Variants in RXRA observed in about 807,000 individuals in gnomAD.
RXRA encodes the protein retinoid X receptor alpha.
In RXRA, 5 loss-of-function variants were observed where a neutral mutation model predicts 44.5. The observed-to-expected ratio is 0.11, with a 90% CI of 0.06 to 0.24. The LOEUF (loss-of-function observed/expected upper bound fraction) is 0.24, where lower values mean the gene tolerates loss of function less well. Among genes scored for constraint, RXRA ranks in the 10% least tolerant of loss-of-function variants. The probability of loss-of-function intolerance (pLI) is 1.00; values close to 1 mark genes in which losing one functional copy is unlikely to be tolerated. For synonymous variants in RXRA, 291 were observed against 271.4 expected (o/e 1.07, Z -0.71); for missense variants, 412 against 646.5 (o/e 0.64, Z 3.93).
intron 4 of RXRA, among the ~76,000 whole-genome samples, chr9:134,415,317 G>T (rs1229467635): frequency 6.6e-6 from 1 of 152,140 alleles, no homozygotes; most frequent in Non-Finnish European, 1.5e-5. Context: ...TGTGAAGGGA[G>T]GGGCTTGCAG....
intron 1 of RXRA, among the ~76,000 whole-genome samples, chr9:134,383,853 G>A (rs533414723): frequency 9.7e-4 from 147 of 152,182 alleles, no homozygotes; most frequent in Admixed American, 2.3e-3. Context: ...CCCTGAACCC[G>A]ATGTGCAGGG....
intron 1 of RXRA, among the ~76,000 whole-genome samples, chr9:134,340,395 T>C (rs568105917): frequency 6.6e-5 from 10 of 152,308 alleles, no homozygotes; most frequent in Admixed American, 1.3e-4. Context: ...CACTGACCTT[T>C]CAGCCAGTTC....
chr9:134,429,629 G>A (rs948958111), intron 7 of RXRA, among the ~76,000 whole-genome samples: 3 of 152,222 alleles, frequency 2.0e-5, no homozygotes, highest in African/African-American at 7.2e-5. Context: ...GTGGCAGCCC[G>A]GGGCGTGGTG....
At chr9:134,327,634 A>G (rs1265309597) in intron 1 of RXRA, among the ~76,000 whole-genome samples, 1 of 152,158 alleles carries the variant, frequency 6.6e-6, no homozygotes, top group Non-Finnish European at 1.5e-5. Flanking sequence ...CGCCATCCGT[A>G]GCCCCTCCTG....
intron 1 of RXRA, 55 bp from the exon 2 acceptor site, chr9:134,401,577 G>A: frequency 6.2e-7 from 1 of 1,604,808 alleles, no homozygotes; most frequent in Non-Finnish European, 8.5e-7. Flanking sequence ...CAGGCATTTG[G>A]TGGGGCCTGG....
At chr9:134,361,221 C>G (rs1276973919) in intron 1 of RXRA, among the ~76,000 whole-genome samples, 1 of 152,188 alleles carries the variant, frequency 6.6e-6, no homozygotes, top group Non-Finnish European at 1.5e-5. Context: ...CACTGGGTCT[C>G]GGAGCTGGGA....
rs910372568 is a variant in RXRA, at chr9:134,342,932, C to T, written c.28+16273C>T. Among the ~76,000 whole-genome samples, 20 of 152,160 alleles carry T rather than the reference C, an allele frequency of 1.3e-4. No individual in the cohort carries two copies. Among genetic ancestry groups the T allele is most frequent in the Non-Finnish European group, 2.9e-4 (20 of 68,018 alleles). On this transcript the variant is annotated intron_variant, in intron 1 of 9. Transcript: ENST00000481739. This position sits in a 1 kb window ranked among gnomAD's most constrained non-coding sequence, Gnocchi z 4.4. ...CTGCGGATGCAGGCACGTGTGGGTG[C>T]TGGGGATTGTCTGGTAATCCTTTGA...
chr9:134,392,187 A>G (rs1224615997), intron 1 of RXRA, among the ~76,000 whole-genome samples: 2 of 152,172 alleles, frequency 1.3e-5, no homozygotes, highest in Non-Finnish European at 2.9e-5. Flanking sequence ...TGGTGGCCCC[A>G]CGCCTTTGGT....
intron 1 of RXRA, among the ~76,000 whole-genome samples, chr9:134,328,292 C>T (rs1302587751): frequency 2.0e-5 from 3 of 152,164 alleles, no homozygotes; most frequent in Non-Finnish European, 2.9e-5. Context: ...TACTGAGAAC[C>T]GAACAGGTCC....
chr9:134,379,737 A>C, intron 1 of RXRA: 2 of 985,406 alleles, frequency 2.0e-6, no homozygotes, highest in Non-Finnish European at 2.4e-6. Context: ...TCGTGGGTCC[A>C]GCTCAGCCCC....
intron 1 of RXRA, among the ~76,000 whole-genome samples, chr9:134,362,152 A>G (rs1025478824): frequency 2.6e-5 from 4 of 151,832 alleles, no homozygotes; most frequent in African/African-American, 9.7e-5. Flanking sequence ...TTGGGAGGGG[A>G]TGGGCTCAGA....
intron 5 of RXRA, 101 bp from the exon 6 acceptor site, chr9:134,421,575 C>T (rs1258445550): frequency 7.4e-7 from 1 of 1,359,478 alleles, no homozygotes; most frequent in Non-Finnish European, 1.0e-6. Flanking sequence ...TATTCAGCGT[C>T]CTGCATGGGC....
chr9:134,432,829 T>C (rs1831554266), intron 8 of RXRA, among the ~76,000 whole-genome samples: 1 of 152,084 alleles, frequency 6.6e-6, no homozygotes, highest in Non-Finnish European at 1.5e-5. Flanking sequence ...TGGGGTGGGC[T>C]GGTGGAGGCA....
At chr9:134,359,025 G>A (rs1295797381) in intron 1 of RXRA, among the ~76,000 whole-genome samples, 1 of 152,192 alleles carries the variant, frequency 6.6e-6, no homozygotes, top group African/African-American at 2.4e-5. Flanking sequence ...GAGCATTCAT[G>A]GAACAGCTGC....
intron 1 of RXRA, among the ~76,000 whole-genome samples, chr9:134,389,403 G>A (rs1830767981): frequency 6.6e-6 from 1 of 152,116 alleles, no homozygotes. Flanking sequence ...GGGGTTAGGG[G>A]GCCAGGGCTT....
intron 1 of RXRA, among the ~76,000 whole-genome samples, chr9:134,397,389 C>T (rs1830895939): frequency 1.3e-5 from 2 of 152,226 alleles, no homozygotes; most frequent in Admixed American, 1.3e-4. Flanking sequence ...GGGAGCTGCT[C>T]TGTGCCTGCC....
chr9:134,379,181 C>A, intron 1 of RXRA: 1 of 761,158 alleles, frequency 1.3e-6, no homozygotes, highest in Non-Finnish European at 1.6e-6. Flanking sequence ...CGGAATTATG[C>A]TGTTCTCGGT....
intron 1 of RXRA, among the ~76,000 whole-genome samples, chr9:134,339,292 C>T (rs1444193136): frequency 1.3e-5 from 2 of 152,270 alleles, no homozygotes; most frequent in African/African-American, 4.8e-5. Flanking sequence ...CGTCGTCCTC[C>T]CCAGACCCTC....
At chr9:134,399,559 G>A (rs1208164865) in intron 1 of RXRA, among the ~76,000 whole-genome samples, 1 of 151,970 alleles carries the variant, frequency 6.6e-6, no homozygotes, top group Non-Finnish European at 1.5e-5. Flanking sequence ...GGCTGCATGT[G>A]TTTGATATCT....
Sources: gnomAD v4.1 joint callset for allele counts (sites outside exome capture counted in the v4.1 genomes callset) on GRCh38, gnomAD v4.1.1 for gene constraint, Gnocchi (gnomAD v3.1) non-coding constraint, MANE v1.5 for transcripts, NCBI Gene and HGNC (gene_info 2026-07-23, HGNC 2026-07-21) for gene names.